Variants in PIBF1 observed in about 807,000 individuals in gnomAD.
PIBF1 encodes progesterone-induced-blocking factor 1.
A neutral mutation model predicts 112.5 loss-of-function variants in PIBF1; 90 were observed. The observed-to-expected ratio is 0.80, with a 90% CI of 0.67 to 0.95. The LOEUF (loss-of-function observed/expected upper bound fraction) is 0.95, where lower values mean the gene tolerates loss of function less well. PIBF1 is among the 40% of genes least tolerant of loss of function. The pLI, the probability that PIBF1 is intolerant of heterozygous loss-of-function variation, is 0.00. For synonymous variants in PIBF1, 301 were observed against 288.6 expected, an observed-to-expected ratio of 1.04 and a Z score of -0.44; for missense variants, 915 against 852.3, an observed-to-expected ratio of 1.07 and a Z score of -0.92.
At position 72,985,371 on chromosome 13, in the gene PIBF1, C is replaced by CAAAAAAAAAAA. The variant is rs67195605; in HGVS notation, c.2049+11708_2049+11718dup. 4.1e-3 allele frequency among the ~76,000 whole-genome samples: 306 copies of CAAAAAAAAAAA among 75,360 alleles called. 2 individuals are homozygous for CAAAAAAAAAAA. The highest frequency in any genetic ancestry group is 4.6e-3 in the Non-Finnish European group (197 of 42,712). 49.4% of individuals were successfully genotyped at this position (75,360 alleles called of 152,430 possible). On this transcript the variant is annotated intron_variant, in intron 16 of 17. Transcript: ENST00000326291. ...TGAAACCCTGTCTCTACTAAAAATA[C>CAAAAAAAAAAA]AAAAAAAAAAAAAAAAAAAAAAGCC... is the stretch of plus-strand genomic sequence containing the variant.
At chr13:72,811,608 A>AAAAAAAAGAG (rs199831981) in intron 5 of PIBF1, among the ~76,000 whole-genome samples, 9 of 139,644 alleles carry the variant, frequency 6.4e-5, no homozygotes, top group South Asian at 2.2e-4. Flanking sequence ...AAAAAAAAAA[A>AAAAAAAAGAG]AGAGAGAGAA....
intron 5 of PIBF1, among the ~76,000 whole-genome samples, chr13:72,816,135 G>A (rs1015350320): frequency 2.6e-5 from 4 of 152,150 alleles, no homozygotes; most frequent in Non-Finnish European, 4.4e-5. Context: ...AGTGGGTGAT[G>A]TCTTAATACT....
At chr13:72,915,300 A>G (rs1283538588) in intron 12 of PIBF1, among the ~76,000 whole-genome samples, 2 of 152,266 alleles carry the variant, frequency 1.3e-5, no homozygotes, top group South Asian at 4.1e-4. Flanking sequence ...ACCTTGTAGC[A>G]TGGGAAATAG....
At chr13:72,951,143 TAC>T (rs2042285307) in intron 14 of PIBF1, among the ~76,000 whole-genome samples, 1 of 152,246 alleles carries the variant, frequency 6.6e-6, no homozygotes, top group Non-Finnish European at 1.5e-5. Flanking sequence ...TGTGCCTGTG[TAC>T]ACACACATCA....
intron 10 of PIBF1, chr13:72,884,493 G>A (rs939841087): frequency 1.3e-5 from 2 of 152,108 alleles, no homozygotes; most frequent in Non-Finnish European, 2.9e-5. Context: ...AAAGTGTAGG[G>A]AGAAAAGCAA....
chr13:72,852,238 C>CT (rs2038194179), intron 9 of PIBF1, among the ~76,000 whole-genome samples: 1 of 152,232 alleles, frequency 6.6e-6, no homozygotes, highest in African/African-American at 2.4e-5. Context: ...AGCAAGGGCT[C>CT]TGACACCTGT....
At chr13:72,840,390 T>A (rs767183687) in intron 9 of PIBF1, among the ~76,000 whole-genome samples, 4 of 152,198 alleles carry the variant, frequency 2.6e-5, no homozygotes, top group Non-Finnish European at 5.9e-5. Flanking sequence ...ATTAATCTTT[T>A]GCTTTGGCCT....
At chr13:72,922,521 G>C (rs2041333721) in intron 13 of PIBF1, among the ~76,000 whole-genome samples, 1 of 152,166 alleles carries the variant, frequency 6.6e-6, no homozygotes, top group Non-Finnish European at 1.5e-5. Context: ...CTTTGTATAT[G>C]CCTCTGTGTT....
chr13:72,875,421 G>A (rs2039353623), intron 10 of PIBF1, among the ~76,000 whole-genome samples: 1 of 152,122 alleles, frequency 6.6e-6, no homozygotes, highest in Admixed American at 6.6e-5. Context: ...AATATGCAAA[G>A]AGTGTGATCT....
At chr13:72,832,901 C>T (rs2138192178) in intron 8 of PIBF1, among the ~76,000 whole-genome samples, 1 of 94,254 alleles carries the variant, frequency 1.1e-5, no homozygotes, top group African/African-American at 4.5e-5. Context: ...CTTTCAGGTA[C>T]ACCAATCAAA....
intron 13 of PIBF1, among the ~76,000 whole-genome samples, 172 bp from the exon 14 acceptor site, chr13:72,930,993 T>C (rs1158929018): frequency 6.6e-6 from 1 of 152,180 alleles, no homozygotes; most frequent in Non-Finnish European, 1.5e-5. Context: ...AGTTGTGGGG[T>C]ATTGGTCTTC....
At chr13:72,941,230 CAG>C (rs1212297876) in intron 14 of PIBF1, among the ~76,000 whole-genome samples, 1 of 152,152 alleles carries the variant, frequency 6.6e-6, no homozygotes, top group African/African-American at 2.4e-5. Flanking sequence ...TCCAGTATAA[CAG>C]AGAAAACAAG....
intron 5 of PIBF1, among the ~76,000 whole-genome samples, chr13:72,800,364 A>T (rs551392501): frequency 7.9e-5 from 12 of 152,368 alleles, no homozygotes; most frequent in Admixed American, 1.3e-4. Context: ...AATAAATAGT[A>T]CTACTCAATA....
chr13:72,843,664 G>A (rs1259631640), intron 9 of PIBF1, among the ~76,000 whole-genome samples: 2 of 152,098 alleles, frequency 1.3e-5, no homozygotes, highest in African/African-American at 4.8e-5. Flanking sequence ...TACCCACCTC[G>A]GCCTCCCAAA....
At chr13:72,883,029 G>A (rs1566401409) in intron 10 of PIBF1, among the ~76,000 whole-genome samples, 2 of 152,142 alleles carry the variant, frequency 1.3e-5, no homozygotes, top group Non-Finnish European at 2.9e-5. Flanking sequence ...AGAAATATCT[G>A]CACTTCCATA....
At chr13:72,873,318 A>G (rs531290033) in intron 10 of PIBF1, among the ~76,000 whole-genome samples, 4 of 152,344 alleles carry the variant, frequency 2.6e-5, no homozygotes, top group African/African-American at 9.6e-5. Flanking sequence ...AAAACTAGAA[A>G]AAAAGGGAAA....
At chr13:72,933,295 C>T (rs2041767028) in intron 14 of PIBF1, among the ~76,000 whole-genome samples, 1 of 152,090 alleles carries the variant, frequency 6.6e-6, no homozygotes, top group African/African-American at 2.4e-5. Context: ...CCAGCACTTT[C>T]GGAGGCCAAG....
rs192655251 is a variant in PIBF1 at position 72,968,002 on chromosome 13, G to A, written c.1964+2598G>A. Among the ~76,000 whole-genome samples the A allele has an allele frequency of 8.7e-3, 1,328 of 151,988 alleles. 65 individuals are homozygous for A. The highest frequency in any genetic ancestry group is 9.6e-3 in the East Asian group (49 of 5,090). On this transcript the variant is annotated intron_variant, in intron 15 of 17. Transcript: ENST00000326291. The stretch of plus-strand genomic sequence containing the variant: ...AGATCGAGACCATCCTGGCTAACAC[G>A]GTGAAACCCTGTCTCTACTAAAAAT...
chr13:72,969,489 G>A (rs2042834857), intron 15 of PIBF1: 1 of 152,152 alleles, frequency 6.6e-6, no homozygotes, highest in African/African-American at 2.4e-5. Flanking sequence ...ACCTTCTAAA[G>A]TGAAAAGTTA....
Sources: gnomAD v4.1 joint callset for allele counts (sites outside exome capture counted in the v4.1 genomes callset) on GRCh38, gnomAD v4.1.1 for gene constraint, MANE v1.5 for transcripts, NCBI Gene and HGNC (gene_info 2026-07-23, HGNC 2026-07-21) for gene names.